NRG1: variants seen among roughly 807,000 people sequenced by gnomAD.
The protein encoded by NRG1 is pro-neuregulin-1, membrane-bound isoform.
In NRG1, 18 loss-of-function variants were observed where a neutral mutation model predicts 63.8. The observed-to-expected ratio is 0.28, with a 90% CI of 0.19 to 0.42. The LOEUF (loss-of-function observed/expected upper bound fraction) is 0.42, where lower values mean the gene tolerates loss of function less well. Ranked by LOEUF, NRG1 falls within the 10% of genes least tolerant of loss-of-function variation. NRG1 has a pLI of 1.00. For missense variants in NRG1, 762 were observed against 814.7 expected (o/e 0.94, Z 0.79); for synonymous variants, 302 against 301.3 (o/e 1.00, Z -0.02).
At chr8:32,409,377 C>T (rs146806611) in intron 1 of NRG1, among the ~76,000 whole-genome samples, 1 of 152,236 alleles carries the variant, frequency 6.6e-6, no homozygotes, top group East Asian at 1.9e-4. Context: ...CAAAAGCAAG[C>T]AAATGCAACA....
chr8:31,762,986 A>G (rs1817704555), intron 1 of NRG1, among the ~76,000 whole-genome samples: 1 of 152,210 alleles, frequency 6.6e-6, no homozygotes, highest in African/African-American at 2.4e-5. Context: ...ATAAAGACAA[A>G]TTTACCAGGG....
rs186560010 is a variant in NRG1, at chr8:31,965,617, G to T, written c.37+326186G>T. Among the ~76,000 whole-genome samples, 206 of 152,282 alleles carry T rather than the reference G, an allele frequency of 1.4e-3. 3 individuals carry two copies. Among genetic ancestry groups the T allele is most frequent in the Non-Finnish European group, 1.8e-4 (12 of 68,024 alleles). On this transcript the variant is annotated intron_variant, in intron 1 of 10. Coordinates refer to the NRG1 transcript ENST00000519301. ...ATGGTAGCTCTATTTTTAGTTCCTT[G>T]AGATATCTTCATACTGTTTTCTATA...
rs73232232 is a variant in NRG1, at chr8:32,143,438, C to T, written c.38-452390C>T. On this transcript the variant is annotated intron_variant, in intron 1 of 10. Coordinates refer to the NRG1 transcript ENST00000519301. ...CAAAAAATGTCTGTTCTTCCCCAGA[C>T]CATGAGCTCCATGGAGGCAGAGACC... 2.3e-3 allele frequency among the ~76,000 whole-genome samples: 357 copies of T among 152,274 alleles called. 1 individual carries two copies. Among genetic ancestry groups the T allele is most frequent in the Middle Eastern group, 6.8e-3 (2 of 294 alleles).
intron 1 of NRG1, among the ~76,000 whole-genome samples, chr8:31,719,793 G>A (rs924759654): frequency 2.6e-5 from 4 of 152,122 alleles, no homozygotes; most frequent in Non-Finnish European, 4.4e-5. Context: ...TTTATCTGCA[G>A]AGACTACCAT....
chr8:32,704,450 C>A, intron 5 of NRG1, among the ~76,000 whole-genome samples: 1 of 152,036 alleles, frequency 6.6e-6, no homozygotes, highest in East Asian at 1.9e-4. Context: ...GTATAATGAA[C>A]TGGAAGATTA....
At chr8:32,452,653 G>A (rs2129488172) in intron 1 of NRG1, among the ~76,000 whole-genome samples, 1 of 150,624 alleles carries the variant, frequency 6.6e-6, no homozygotes, top group Non-Finnish European at 1.5e-5. Context: ...GCCATTACAT[G>A]TTTCAAAAGA....
At chr8:32,097,372 G>T (rs139433093) in intron 1 of NRG1, among the ~76,000 whole-genome samples, 383 of 152,234 alleles carry the variant, frequency 2.5e-3, no homozygotes, top group African/African-American at 8.6e-3. Context: ...AATTGAGATT[G>T]CTGGATCATA....
chr8:31,883,782 A>T (rs920219514), intron 1 of NRG1, among the ~76,000 whole-genome samples: 11 of 152,070 alleles, frequency 7.2e-5, no homozygotes, highest in African/African-American at 2.7e-4. Context: ...AAATTCTATG[A>T]TGTAAAAGAA....
chr8:32,337,681 A>AAAAAAAAAAAAAAAAAAAAAAAAAC, intron 1 of NRG1, among the ~76,000 whole-genome samples: 1 of 121,050 alleles, frequency 8.3e-6, no homozygotes, highest in Admixed American at 8.5e-5. Flanking sequence ...AAAAAAAAAA[A>AAAAAAAAAAAAAAAAAAAAAAAAAC]AGCTGATGCA....
At chr8:32,385,816 C>T (rs1275692881) in intron 1 of NRG1, among the ~76,000 whole-genome samples, 9 of 152,186 alleles carry the variant, frequency 5.9e-5, no homozygotes, top group Admixed American at 5.2e-4. Flanking sequence ...TAATCATCCT[C>T]ACCTTCAGTT....
chr8:32,103,012 C>T (rs1830770133), intron 1 of NRG1, among the ~76,000 whole-genome samples: 1 of 152,074 alleles, frequency 6.6e-6, no homozygotes, highest in African/African-American at 2.4e-5. Flanking sequence ...GGGTATCCAT[C>T]TCCTCAAGCA....
intron 1 of NRG1, among the ~76,000 whole-genome samples, chr8:32,288,935 T>C (rs918399832): frequency 2.0e-5 from 3 of 152,122 alleles, no homozygotes; most frequent in African/African-American, 7.2e-5. Flanking sequence ...TCCATCATAG[T>C]GATATTCAGT....
chr8:32,589,745 C>T (rs1260330439), intron 1 of NRG1, among the ~76,000 whole-genome samples: 3 of 152,064 alleles, frequency 2.0e-5, no homozygotes, highest in African/African-American at 7.2e-5. Flanking sequence ...GTACAATATT[C>T]GATATAGCTG....
At chr8:32,432,590 A>C (rs937354840) in intron 1 of NRG1, among the ~76,000 whole-genome samples, 1 of 151,964 alleles carries the variant, frequency 6.6e-6, no homozygotes, top group African/African-American at 2.4e-5. Flanking sequence ...GCTCACTGCA[A>C]CCTCCGCCTC....
In NRG1 at chr8:32,514,133, T is replaced by G. The variant is rs73579870; in HGVS notation, c.38-81695T>G. Among the ~76,000 whole-genome samples the G allele has an allele frequency of 8.7e-3, 1,324 of 152,288 alleles. 17 individuals carry two copies. Among genetic ancestry groups the G allele is most frequent in the African/African-American group, 0.031 (1,275 of 41,560 alleles). ...AAGACTTGTCTGCAAATTCTTAACC[T>G]TTTTTTGTTTGCCAAGAACAAAGAA... is the stretch of plus-strand genomic sequence containing the variant. On this transcript the variant is annotated intron_variant, in intron 1 of 10. Transcript: ENST00000519301.
chr8:32,216,167 C>T (rs1016414667), intron 1 of NRG1, among the ~76,000 whole-genome samples: 8 of 149,994 alleles, frequency 5.3e-5, no homozygotes, highest in Non-Finnish European at 1.0e-4. Flanking sequence ...TTCTAATTAT[C>T]GTATACAGTT....
At chr8:32,470,355 ATTTTTTTC>A (rs1003929407) in intron 1 of NRG1, among the ~76,000 whole-genome samples, 6 of 150,274 alleles carry the variant, frequency 4.0e-5, no homozygotes, top group East Asian at 4.0e-4. Context: ...TAATTTATTT[ATTTTTTTC>A]TTTTTTTCTT....
At chr8:32,189,061 A>G (rs77859508) in intron 1 of NRG1, among the ~76,000 whole-genome samples, 1,987 of 152,278 alleles carry the variant, frequency 0.013, 28 homozygotes, top group South Asian at 0.042. Context: ...TAGCCTGGGG[A>G]GACCTGTGTC....
rs542564868 is a variant in NRG1, at chr8:31,969,551, C to T, written c.37+330120C>T. 3.3e-5 allele frequency among the ~76,000 whole-genome samples: 5 copies of T among 152,256 alleles called. No homozygotes were observed. In the South Asian group the frequency reaches 8.3e-4, roughly 25 times the overall value. ...CACTCCTTACCAAATATTGCTCTTG[C>T]CTTCCTCTGCAGTGATTGGTTCTGA... On this transcript the variant is annotated intron_variant, in intron 1 of 10. Transcript: ENST00000519301.
Sources: gnomAD v4.1 joint callset for allele counts (sites outside exome capture counted in the v4.1 genomes callset) on GRCh38, gnomAD v4.1.1 for gene constraint, MANE v1.5 for transcripts, NCBI Gene and HGNC (gene_info 2026-07-23, HGNC 2026-07-21) for gene names.